The following GUCY1A2 variants were observed in gnomAD, a reference collection of about 807,000 sequenced individuals.
The protein encoded by GUCY1A2 is guanylate cyclase 1 soluble subunit alpha 2, also known as guanylate cyclase soluble subunit alpha-2.
Under a neutral mutation model 63.5 loss-of-function variants are expected in GUCY1A2, and 27 were observed. The observed-to-expected ratio is 0.43, with a 90% CI of 0.31 to 0.59. GUCY1A2 has a LOEUF of 0.59. Ranked by LOEUF, GUCY1A2 falls within the 20% of genes least tolerant of loss-of-function variation. The pLI, the probability that GUCY1A2 is intolerant of heterozygous loss-of-function variation, is 0.11. For synonymous variants in GUCY1A2, 364 were observed against 343.5 expected, an observed-to-expected ratio of 1.06 and a Z score of -0.66; for missense variants, 768 against 913.3, an observed-to-expected ratio of 0.84 and a Z score of 2.05.
chr11:106,964,767 CAGG>C (rs1225010212), intron 3 of GUCY1A2, among the ~76,000 whole-genome samples: 3 of 152,136 alleles, frequency 2.0e-5, no homozygotes, highest in Non-Finnish European at 4.4e-5. Flanking sequence ...ATCATGAGGT[CAGG>C]AGATCGAGAC....
At chr11:106,960,927 G>A (rs1861050185) in intron 3 of GUCY1A2, among the ~76,000 whole-genome samples, 1 of 152,046 alleles carries the variant, frequency 6.6e-6, no homozygotes. Context: ...GAGTGCCAGA[G>A]ATTAGACGAT....
At chr11:106,747,178 T>G (rs780309474) in intron 6 of GUCY1A2, among the ~76,000 whole-genome samples, 2 of 152,064 alleles carry the variant, frequency 1.3e-5, no homozygotes, top group African/African-American at 2.4e-5. Context: ...TTAGTAGAGA[T>G]GGAGTTTCAC....
intron 4 of GUCY1A2, among the ~76,000 whole-genome samples, chr11:106,842,806 T>A (rs1274880126): frequency 6.6e-6 from 1 of 151,896 alleles, no homozygotes; most frequent in Non-Finnish European, 1.5e-5. Flanking sequence ...CTGGAGCTTG[T>A]GATTCTCAAA....
intron 4 of GUCY1A2, among the ~76,000 whole-genome samples, chr11:106,855,636 A>G (rs1591303346): frequency 6.6e-6 from 1 of 152,280 alleles, no homozygotes; most frequent in African/African-American, 2.4e-5. Flanking sequence ...TACTAAAAAC[A>G]TTTGTTGAAA....
At chr11:106,911,838 A>T (rs538932685) in intron 4 of GUCY1A2, among the ~76,000 whole-genome samples, 1 of 152,212 alleles carries the variant, frequency 6.6e-6, no homozygotes, top group Non-Finnish European at 1.5e-5. Context: ...TCTAAAATAA[A>T]ATTCAAAGTT....
rs34601463 is a variant in GUCY1A2, at chr11:106,675,269, C to CT, written c.*12279dup. 1,644 of 165,456 alleles carry CT rather than the reference C, an allele frequency of 9.9e-3. 16 individuals carry two copies. Among genetic ancestry groups the CT allele is most frequent in the East Asian group, 0.035 (376 of 10,598 alleles). The allele number at this position is 165,456 out of a possible 1,614,324, so 10.2% of individuals were successfully genotyped here. Reference sequence around the variant, plus strand: ...TTCGAAGGCAAAATTCTCAGGAGGACTTTTTTTTTTTTTTTTTAAATAAAG... The same window carrying CT: ...TTCGAAGGCAAAATTCTCAGGAGGACTTTTTTTTTTTTTTTTTTAAATAAAG... On this transcript the variant is annotated 3_prime_UTR_variant, in exon 8 of 8. Coordinates refer to ENST00000526355, the MANE Select transcript of GUCY1A2 (RefSeq NM_000855.3).
At chr11:106,926,600 A>G (rs1860526021) in intron 4 of GUCY1A2, among the ~76,000 whole-genome samples, 2 of 152,096 alleles carry the variant, frequency 1.3e-5, no homozygotes, top group East Asian at 1.9e-4. Flanking sequence ...AGGGAAACAT[A>G]GCAGATAGAC....
chr11:106,699,455 A>C (rs1171233770), intron 7 of GUCY1A2, among the ~76,000 whole-genome samples: 1 of 152,236 alleles, frequency 6.6e-6, no homozygotes, highest in East Asian at 1.9e-4. Flanking sequence ...ACATTTAAGC[A>C]GAGTTGCCAA....
intron 3 of GUCY1A2, among the ~76,000 whole-genome samples, chr11:106,960,449 G>C (rs1317280021): frequency 6.6e-6 from 1 of 152,156 alleles, no homozygotes; most frequent in Non-Finnish European, 1.5e-5. Flanking sequence ...CAAAATAAAA[G>C]GAGAACAGAG....
At chr11:106,994,048 T>C (rs1861504726) in intron 1 of GUCY1A2, among the ~76,000 whole-genome samples, 1 of 152,222 alleles carries the variant, frequency 6.6e-6, no homozygotes, top group South Asian at 2.1e-4. Flanking sequence ...TTTCCAGTCT[T>C]CATTTTATTC....
intron 6 of GUCY1A2, among the ~76,000 whole-genome samples, chr11:106,760,152 G>A (rs1447825695): frequency 1.3e-5 from 2 of 152,136 alleles, no homozygotes; most frequent in African/African-American, 4.8e-5. Flanking sequence ...AGAACAGTGA[G>A]ACAACAAATT....
intron 6 of GUCY1A2, among the ~76,000 whole-genome samples, chr11:106,739,259 C>A (rs1054706735): frequency 6.6e-6 from 1 of 152,054 alleles, no homozygotes; most frequent in Non-Finnish European, 1.5e-5. Context: ...TGAGATGTTG[C>A]TGAAGTTGCT....
At chr11:106,902,960 C>T (rs1036415493) in intron 4 of GUCY1A2, among the ~76,000 whole-genome samples, 2 of 152,060 alleles carry the variant, frequency 1.3e-5, no homozygotes, top group African/African-American at 4.8e-5. Context: ...CCACAGATAC[C>T]AAGGGACGAC....
At chr11:106,986,010 A>G (rs1861395857) in intron 2 of GUCY1A2, 60 bp downstream of exon 2, 1 of 861,376 alleles carries the variant, frequency 1.2e-6, no homozygotes, top group Non-Finnish European at 2.0e-6. Context: ...CTCAACAGCT[A>G]TGTTTGAGTA....
At chr11:106,884,104 C>A (rs963877100) in intron 4 of GUCY1A2, among the ~76,000 whole-genome samples, 1 of 151,992 alleles carries the variant, frequency 6.6e-6, no homozygotes, top group East Asian at 1.9e-4. Context: ...ACAGGTGCAG[C>A]ACACCAACAT....
intron 1 of GUCY1A2, among the ~76,000 whole-genome samples, chr11:107,014,787 G>T (rs1861797498): frequency 6.6e-6 from 1 of 152,064 alleles, no homozygotes; most frequent in African/African-American, 2.4e-5. Context: ...AGCTTCCATG[G>T]CAAGTACAGT....
At chr11:106,839,210 C>T (rs1229509371) in intron 4 of GUCY1A2, among the ~76,000 whole-genome samples, 1 of 151,722 alleles carries the variant, frequency 6.6e-6, no homozygotes, top group East Asian at 1.9e-4. Context: ...CCAGTTTTCC[C>T]AGCACCATTT....
intron 4 of GUCY1A2, among the ~76,000 whole-genome samples, chr11:106,815,916 G>C (rs1007128243): frequency 2.0e-5 from 3 of 151,910 alleles, no homozygotes; most frequent in African/African-American, 7.3e-5. Context: ...GAAGAAGCAA[G>C]AAATGGATTC....
chr11:106,687,487 C>T lies in GUCY1A2; in HGVS notation c.*62G>A, dbSNP rs574909477. ...AAGAGACACAATCTCTTTCCACCCC[C>T]CATTGGTGACCCATGTTCTGGGCTT... On this transcript the variant is annotated 3_prime_UTR_variant, in exon 8 of 8. Transcript: ENST00000526355. 20 of 1,170,028 alleles carry T rather than the reference C, an allele frequency of 1.7e-5. No homozygotes were observed. The highest frequency in any genetic ancestry group is 1.7e-4 in the African/African-American group (11 of 66,050). 72.5% of individuals were successfully genotyped at this position (1,170,028 alleles called of 1,614,324 possible).
Sources: gnomAD v4.1 joint callset for allele counts (sites outside exome capture counted in the v4.1 genomes callset) on GRCh38, gnomAD v4.1.1 for gene constraint, MANE v1.5 for transcripts, NCBI Gene and HGNC (gene_info 2026-07-23, HGNC 2026-07-21) for gene names.